CBR1: variants seen among roughly 807,000 people sequenced by gnomAD.
CBR1 encodes carbonyl reductase 1, also known as carbonyl reductase [NADPH] 1.
In CBR1, 11 loss-of-function variants were observed where a neutral mutation model predicts 10.6. The ratio of observed to expected loss-of-function variants is 1.03; its 90% CI spans 0.65 to 1.71. CBR1 has a LOEUF of 1.71. CBR1 is among the 40% of genes most tolerant of loss of function. The pLI is 0.00. For synonymous variants in CBR1, 158 were observed against 156.7 expected (o/e 1.01, Z -0.06); for missense variants, 361 against 368.6 (o/e 0.98, Z 0.17).
chr21:36,070,293 C>T lies in CBR1; in HGVS notation c.178C>T (p.His60Tyr), dbSNP rs1213148153. ...GGCGGAGGGCCTGAGCCCGCGCTTC[C>T]ACCAGCTGGACATCGACGATCTGCA... ...LQAEGLSPRFHQLDIDDLQSI... is the reference protein window; with the variant it reads ...LQAEGLSPRFYQLDIDDLQSI... Residue 60 changes from histidine (H) to tyrosine (Y), a missense_variant, in exon 1 of 3, where the codon CAC becomes TAC. By Grantham distance (83) the His-to-Tyr change is moderately conservative (BLOSUM62 2). Transcript: ENST00000290349. 2 of 1,613,022 alleles carry T rather than the reference C, an allele frequency of 1.2e-6. No individual in the cohort carries two copies. The highest frequency in any genetic ancestry group is 1.7e-6 in the Non-Finnish European group (2 of 1,179,938).
chr21:36,070,394 C>T lies in CBR1; in HGVS notation c.279C>T (p.Ile93=), dbSNP rs1415083151. 6.2e-7 allele frequency: 1 copy of T among 1,605,146 alleles called. No homozygotes were observed. The highest frequency in any genetic ancestry group is 1.1e-5 in the South Asian group (1 of 90,080). Reference sequence around the variant, plus strand: ...ACGTGCTGGTCAACAACGCGGGCATCGCCTTCAAGGGTATGGGGAGGGGAC... The same window carrying T: ...ACGTGCTGGTCAACAACGCGGGCATTGCCTTCAAGGGTATGGGGAGGGGAC... ...GLDVLVNNAG[I]AFKVADPTPF... is the part of the protein sequence containing the mutation. Residue 93 remains isoleucine (I), a synonymous_variant, in exon 1 of 3, where the codon ATC becomes ATT. Transcript: ENST00000290349.
chr21:36,071,926 T>C lies in CBR1; in HGVS notation c.398-520T>C, dbSNP rs551908350. ...TCCATAATCTGCCGCTGCTTAACTC[T>C]GGGCCCATTTTAACTCCCCTTCAAC... On this transcript the variant is annotated intron_variant, in intron 2 of 2. Transcript: ENST00000290349. 1.4e-4 allele frequency: 216 copies of C among 1,536,146 alleles called. No individual in the cohort carries two copies. The East Asian group carries it at 2.9e-3, about 21-fold the overall frequency.
intron 2 of CBR1, chr21:36,072,103 G>T: frequency 6.7e-7 from 1 of 1,499,592 alleles, no homozygotes. Context: ...GTGTGGCTTC[G>T]AGTTGGGTAC....
At chr21:36,070,632 G>C in intron 1 of CBR1, 4 of 550,678 alleles carry the variant, frequency 7.3e-6, no homozygotes, top group Non-Finnish European at 1.2e-5. Flanking sequence ...TTTCTGAATT[G>C]AGCTTTAAGG....
Position 36,072,910 on chromosome 21 carries a change from C to T in CBR1, c.*28C>T. The T allele has an allele frequency of 6.5e-7, 1 of 1,528,928 alleles. No individual in the cohort carries two copies. Among genetic ancestry groups the T allele is most frequent in the Non-Finnish European group, 9.0e-7 (1 of 1,116,588 alleles). 94.7% of individuals were successfully genotyped at this position (1,528,928 alleles called of 1,614,324 possible). A position where few individuals can be genotyped will look rare whatever the true frequency, so the allele number is the denominator to read the frequency against. ...TGGGCTCACAGCTCCATCCATGGGC[C>T]CCATTTTGTACCTTGTCCTGAGTTG... On this transcript the variant is annotated 3_prime_UTR_variant, in exon 3 of 3. Coordinates refer to ENST00000290349, the MANE Select transcript of CBR1 (RefSeq NM_001757.4).
At chr21:36,070,853 G>GTTTTTGTTTTTTGTTT in intron 1 of CBR1, 97 bp from the exon 2 acceptor site, 1 of 509,240 alleles carries the variant, frequency 2.0e-6, no homozygotes. Flanking sequence ...AGGGCACTAA[G>GTTTTTGTTTTTTGTTT]TTTTTTTTTT....
chr21:36,071,650 A>G, intron 2 of CBR1: 1 of 553,550 alleles, frequency 1.8e-6, no homozygotes, highest in East Asian at 3.0e-5. Flanking sequence ...ACCATGCCCC[A>G]CCCCTCATAA....
chr21:36,072,220 C>T (rs2065356948), intron 2 of CBR1: 1 of 1,550,528 alleles, frequency 6.4e-7, no homozygotes, highest in Admixed American at 2.0e-5. Context: ...CAAAGGGCAG[C>T]TCTTCCAAAT....
intron 2 of CBR1, 24 bp from the exon 3 acceptor site, chr21:36,072,422 A>G (rs999606615): frequency 8.7e-6 from 14 of 1,614,110 alleles, no homozygotes; most frequent in Admixed American, 1.7e-5. Flanking sequence ...ACCTTTCTAC[A>G]TAATGCTTTG....
chr21:36,070,042 G>A lies in CBR1; in HGVS notation c.-74G>A, dbSNP rs41549312. ...GACCGCCAGACTCGAGCAGTCTCTG[G>A]AACACGCTGCGGGGCTCCCGGGCCT... On this transcript the variant is annotated 5_prime_UTR_variant, in exon 1 of 3. Coordinates refer to ENST00000290349, the MANE Select transcript of CBR1 (RefSeq NM_001757.4). 4,220 of 1,424,470 alleles carry A rather than the reference G, an allele frequency of 3.0e-3. 11 individuals are homozygous for A. The highest frequency in any genetic ancestry group is 3.6e-3 in the Non-Finnish European group (3,868 of 1,086,426). The allele number at this position is 1,424,470 out of a possible 1,614,324, so 88.2% of individuals were successfully genotyped here.
At chr21:36,071,152 A>G in intron 2 of CBR1, 95 bp downstream of exon 2, 1 of 838,958 alleles carries the variant, frequency 1.2e-6, no homozygotes, top group Non-Finnish European at 2.1e-6. Flanking sequence ...CTTCCTCTCC[A>G]TGCTGCACGT....
At position 36,071,040 on chromosome 21, in the gene CBR1, C is replaced by T. The variant is rs2065348692; in HGVS notation, c.380C>T (p.Pro127Leu). 6.2e-7 allele frequency: 1 copy of T among 1,610,986 alleles called. No individual in the cohort carries two copies. The highest frequency in any genetic ancestry group is 8.5e-7 in the Non-Finnish European group (1 of 1,177,154). The change falls in exon 2 of 3, where the codon CCT becomes CTT. Residue 127 changes from proline to leucine, a missense_variant. Pro to Leu is a moderately conservative substitution (Grantham distance 98). Transcript: ENST00000290349. ...GTRDVCTELL[P>L]LIKPQGRVVN... ...CGAGATGTGTGCACAGAATTACTCC[C>T]TCTAATAAAACCCCAAGGTGAGTCT...
rs764885114 is a variant in CBR1 at position 36,071,022 on chromosome 21, T to G, written c.362T>G (p.Val121Gly). The G allele has an allele frequency of 6.2e-7, 1 of 1,613,684 alleles. No homozygotes were observed. Among genetic ancestry groups the G allele is most frequent in the Non-Finnish European group, 8.5e-7 (1 of 1,179,622 alleles). ...ACAAATTTCTTTGGTACCCGAGATG[T>G]GTGCACAGAATTACTCCCTCTAATA... ...MKTNFFGTRD[V>G]CTELLPLIKP... Residue 121 changes from valine to glycine, a missense_variant, in exon 2 of 3, where the codon GTG becomes GGG. By Grantham distance (109) the Val-to-Gly change is moderately radical (BLOSUM62 -3). Transcript: ENST00000290349.
rs569886457 is a variant in CBR1 at position 36,070,046 on chromosome 21, A to G, written c.-70A>G. ...GCCAGACTCGAGCAGTCTCTGGAAC[A>G]CGCTGCGGGGCTCCCGGGCCTGAGC... On this transcript the variant is annotated 5_prime_UTR_variant, in exon 1 of 3. Coordinates refer to ENST00000290349, the MANE Select transcript of CBR1 (RefSeq NM_001757.4). The G allele has an allele frequency of 1.5e-3, 2,190 of 1,428,450 alleles. 17 individuals carry two copies. The highest frequency in any genetic ancestry group is 0.015 in the Middle Eastern group (60 of 4,112). 88.5% of individuals were successfully genotyped at this position (1,428,450 alleles called of 1,614,324 possible).
At chr21:36,071,514 C>T in intron 2 of CBR1, 1 of 558,718 alleles carries the variant, frequency 1.8e-6, no homozygotes, top group Non-Finnish European at 3.2e-6. Flanking sequence ...GGTTGTCTTG[C>T]TGCCTTTCCA....
In CBR1 at chr21:36,070,054, G is replaced by A; in HGVS notation, c.-62G>A. On this transcript the variant is annotated 5_prime_UTR_variant, in exon 1 of 3. Coordinates refer to ENST00000290349, the MANE Select transcript of CBR1 (RefSeq NM_001757.4). ...CGAGCAGTCTCTGGAACACGCTGCG[G>A]GGCTCCCGGGCCTGAGCCAGGTCTG... is the stretch of plus-strand genomic sequence containing the variant. 7.0e-7 allele frequency: 1 copy of A among 1,432,992 alleles called. No homozygotes were observed. The highest frequency in any genetic ancestry group is 1.5e-5 in the African/African-American group (1 of 68,224). 88.8% of individuals were successfully genotyped at this position (1,432,992 alleles called of 1,614,324 possible). A position where few individuals can be genotyped will look rare whatever the true frequency, so the allele number is the denominator to read the frequency against.
chr21:36,072,289 A>G (rs558178828), intron 2 of CBR1, 157 bp from the exon 3 acceptor site: 2 of 1,554,176 alleles, frequency 1.3e-6, no homozygotes, highest in South Asian at 2.4e-5. Context: ...TCATGCAACT[A>G]CCACCACACT....
rs2065366700 is a variant in CBR1 at position 36,073,158 on chromosome 21, A to G, written c.*276A>G. The G allele has an allele frequency of 9.1e-6, 3 of 330,494 alleles. No homozygotes were observed. Among genetic ancestry groups the G allele is most frequent in the East Asian group, 5.6e-5 (1 of 17,890 alleles). 20.5% of individuals were successfully genotyped at this position (330,494 alleles called of 1,614,324 possible). A position where few individuals can be genotyped will look rare whatever the true frequency, so the allele number is the denominator to read the frequency against. On this transcript the variant is annotated 3_prime_UTR_variant, in exon 3 of 3. Transcript: ENST00000290349. ...TCAACAGATGAATAAATGGTTCTTT[A>G]TAAGTGTCCATTTGTACAGATTGTT... is the stretch of plus-strand genomic sequence containing the variant.
chr21:36,070,336 G>T lies in CBR1; in HGVS notation c.221G>T (p.Arg74Leu), dbSNP rs117272030. The change falls in exon 1 of 3, where the codon CGC becomes CTC. Residue 74 changes from arginine to leucine, a missense_variant. By Grantham distance (102) the Arg-to-Leu change is moderately radical. Transcript: ENST00000290349. Reference sequence around the variant, plus strand: ...GATCTGCAGAGCATCCGCGCCCTGCGCGACTTCCTGCGCAAGGAGTACGGG... The same window carrying T: ...GATCTGCAGAGCATCCGCGCCCTGCTCGACTTCCTGCGCAAGGAGTACGGG... ...IDDLQSIRAL[R>L]DFLRKEYGGL... 954 of 1,613,222 alleles carry T rather than the reference G, an allele frequency of 5.9e-4. 8 individuals are homozygous for T. The East Asian group carries it at 0.017, about 29-fold the overall frequency.
Sources: gnomAD v4.1 joint callset for allele counts on GRCh38, gnomAD v4.1.1 for gene constraint, MANE v1.5 for transcripts, NCBI Gene and HGNC (gene_info 2026-07-23, HGNC 2026-07-21) for gene names.